PIK3C2G: variants seen among roughly 807,000 people sequenced by gnomAD.
PIK3C2G encodes the protein phosphatidylinositol-4-phosphate 3-kinase catalytic subunit type 2 gamma.
Under a neutral mutation model 181.1 loss-of-function variants are expected in PIK3C2G, and 168 were observed. The observed-to-expected ratio is 0.93, with a 90% confidence interval of 0.82 to 1.05. The LOEUF is 1.05. Ranked by LOEUF, PIK3C2G falls within the 50% of genes least tolerant of loss-of-function variation. The pLI is 0.00. For synonymous variants in PIK3C2G, 573 were observed against 592.2 expected (o/e 0.97, Z 0.47); for missense variants, 1,869 against 1,732.8 (o/e 1.08, Z -1.40).
intron 5 of PIK3C2G, among the ~76,000 whole-genome samples, chr12:18,303,454 G>C (rs1950294914): frequency 6.6e-6 from 1 of 151,892 alleles, no homozygotes; most frequent in Non-Finnish European, 1.5e-5. Flanking sequence ...TCCTGCCTCA[G>C]CCTCCAGAGT....
chr12:18,546,451 G>A lies in PIK3C2G; in HGVS notation c.3590+19G>A. ...TTACCAAGTAAGATCACCTATGAAT[G>A]TGTGAGCATGCATGCATGAATGTAC... On this transcript the variant is annotated intron_variant, in intron 26 of 32. Transcript: ENST00000538779. 7.6e-7 allele frequency: 1 copy of A among 1,307,512 alleles called. No individual in the cohort carries two copies. The highest frequency in any genetic ancestry group is 1.8e-4 in the Middle Eastern group (1 of 5,492). 81.0% of individuals were successfully genotyped at this position (1,307,512 alleles called of 1,614,324 possible).
At chr12:18,348,283 G>A (rs561113963) in intron 11 of PIK3C2G, among the ~76,000 whole-genome samples, 1 of 151,830 alleles carries the variant, frequency 6.6e-6, no homozygotes, top group Non-Finnish European at 1.5e-5. Flanking sequence ...ATACATATGC[G>A]TGCAAATGTA....
intron 22 of PIK3C2G, among the ~76,000 whole-genome samples, chr12:18,500,743 A>C (rs1941405123): frequency 6.6e-6 from 1 of 152,136 alleles, no homozygotes; most frequent in Non-Finnish European, 1.5e-5. Context: ...GAATAAAAGC[A>C]GGCTGCCCAA....
the PIK3C2G span, chr12:18,701,449 A>T: frequency 2.5e-3 from 3,962 of 1,608,798 alleles, 114 homozygotes; most frequent in African/African-American, 0.049. Flanking sequence ...CCAAGAATAA[A>T]ATTAGAAAAC....
At chr12:18,495,803 G>GA (rs1418477113) in intron 20 of PIK3C2G, among the ~76,000 whole-genome samples, 1 of 152,022 alleles carries the variant, frequency 6.6e-6, no homozygotes, top group African/African-American at 2.4e-5. Context: ...GTTCACTGAG[G>GA]AAAAAACGTG....
chr12:18,394,979 C>T (rs1427658227), intron 15 of PIK3C2G, among the ~76,000 whole-genome samples: 6 of 151,498 alleles, frequency 4.0e-5, no homozygotes, highest in African/African-American at 1.5e-4. Context: ...CATACTCTCC[C>T]TTTCTTTCTT....
At chr12:18,475,523 T>C (rs944617317) in intron 18 of PIK3C2G, among the ~76,000 whole-genome samples, 1 of 151,950 alleles carries the variant, frequency 6.6e-6, no homozygotes, top group African/African-American at 2.4e-5. Context: ...TCTTAGCTAA[T>C]GTAACTTTAC....
chr12:18,704,719 T>C, the PIK3C2G span, among the ~76,000 whole-genome samples: 1 of 152,144 alleles, frequency 6.6e-6, no homozygotes, highest in African/African-American at 2.4e-5. Flanking sequence ...TACTTCAGTA[T>C]GCTCAAATTA....
chr12:18,677,151 A>G, the PIK3C2G span, among the ~76,000 whole-genome samples: 11 of 152,092 alleles, frequency 7.2e-5, no homozygotes. Context: ...TTGGCTGAAC[A>G]CAAGATACTG....
At chr12:18,698,341 T>A in the PIK3C2G span, among the ~76,000 whole-genome samples, 1 of 151,848 alleles carries the variant, frequency 6.6e-6, no homozygotes, top group Non-Finnish European at 1.5e-5. Context: ...TACTCTATTC[T>A]ATTCTATTAT....
intron 28 of PIK3C2G, among the ~76,000 whole-genome samples, chr12:18,564,941 C>A (rs373709471): frequency 1.3e-5 from 2 of 152,124 alleles, no homozygotes; most frequent in Non-Finnish European, 2.9e-5. Flanking sequence ...TTTAAAAATT[C>A]TAATAATCTA....
chr12:18,294,007 T>A lies in PIK3C2G; in HGVS notation c.1026T>A (p.Phe342Leu), dbSNP rs758321796. 6.8e-7 allele frequency: 1 copy of A among 1,462,204 alleles called. No homozygotes were observed. The highest frequency in any genetic ancestry group is 1.2e-5 in the South Asian group (1 of 85,842). The allele number at this position is 1,462,204 out of a possible 1,614,324, so 90.6% of individuals were successfully genotyped here. A position where few individuals can be genotyped will look rare whatever the true frequency, so the allele number is the denominator to read the frequency against. ...HILSVCGSEE[F>L]LQNDHCLGSH... ...TAAGTGTATGTGGCTCTGAAGAATTTTTACAAAAGTAAGTATTTTATGAAA... is the reference window on the plus strand; with the variant it reads ...TAAGTGTATGTGGCTCTGAAGAATTATTACAAAAGTAAGTATTTTATGAAA... The change falls in exon 5 of 33, where the codon TTT becomes TTA. Residue 342 changes from phenylalanine to leucine, a missense_variant. Phe to Leu is a conservative substitution (Grantham distance 22). Coordinates refer to ENST00000538779, the MANE Select transcript of PIK3C2G (RefSeq NM_001288772.2).
the PIK3C2G span, among the ~76,000 whole-genome samples, chr12:18,705,547 C>A: frequency 1.7e-3 from 265 of 152,164 alleles, 7 homozygotes; most frequent in Admixed American, 0.016. Context: ...ACAACTGAAG[C>A]ATCCATCAGT....
chr12:18,420,853 G>T (rs17847796), intron 16 of PIK3C2G, 88 bp from the exon 17 acceptor site: 8 of 720,238 alleles, frequency 1.1e-5, no homozygotes, highest in Admixed American at 8.0e-5. Flanking sequence ...TGCACTGGGG[G>T]TAGAATTCAT....
At chr12:18,707,987 TCA>T in the PIK3C2G span, among the ~76,000 whole-genome samples, 15 of 152,316 alleles carry the variant, frequency 9.8e-5, no homozygotes, top group Admixed American at 5.2e-4. Flanking sequence ...ATCCATCATT[TCA>T]CAGTTACCCT....
chr12:18,650,698 GTGTGTGTATATATCTATA>G (rs1950435393), downstream of PIK3C2G, among the ~76,000 whole-genome samples: 298 of 29,074 alleles, frequency 0.01, 11 homozygotes, highest in Non-Finnish European at 0.014. Flanking sequence ...GTGTGTGTGT[GTGTGTGTATATATCTATA>G]TATATATATA....
rs116314012 is a variant in PIK3C2G at position 18,608,975 on chromosome 12, A to G, written c.4088-560A>G. On this transcript the variant is annotated intron_variant, in intron 30 of 32. Transcript: ENST00000538779. ...TTTATATGAGTTTGAATTAGCTGCTATGGGATGAGAAAAAAGAGATTAGTG... is the reference window on the plus strand; with the variant it reads ...TTTATATGAGTTTGAATTAGCTGCTGTGGGATGAGAAAAAAGAGATTAGTG... Among the ~76,000 whole-genome samples the G allele has an allele frequency of 7.7e-3, 1,174 of 152,228 alleles. 11 individuals carry two copies. Among genetic ancestry groups the G allele is most frequent in the African/African-American group, 0.027 (1,114 of 41,554 alleles).
intron 6 of PIK3C2G, among the ~76,000 whole-genome samples, chr12:18,318,336 A>T (rs1413880926): frequency 2.0e-5 from 3 of 152,164 alleles, no homozygotes; most frequent in African/African-American, 7.2e-5. Context: ...TTTATTGATT[A>T]ACTTAATATA....
chr12:18,527,679 G>GA (rs5796758), intron 24 of PIK3C2G, among the ~76,000 whole-genome samples: 3 of 150,032 alleles, frequency 2.0e-5, no homozygotes, highest in Non-Finnish European at 1.5e-5. Flanking sequence ...CAACTTCAAA[G>GA]AAAAAAAAAA....
Sources: gnomAD v4.1 joint callset for allele counts (sites outside exome capture counted in the v4.1 genomes callset) on GRCh38, gnomAD v4.1.1 for gene constraint, MANE v1.5 for transcripts, NCBI Gene and HGNC (gene_info 2026-07-23, HGNC 2026-07-21) for gene names.